EDC3: variants seen among roughly 807,000 people sequenced by gnomAD.
The protein encoded by EDC3 is enhancer of mRNA decapping 3, also known as enhancer of mRNA-decapping protein 3.
In EDC3, 20 loss-of-function variants were observed where a neutral mutation model predicts 41.8. The observed-to-expected ratio is 0.48, with a 90% confidence interval of 0.34 to 0.70. EDC3 has a LOEUF of 0.70. EDC3 is among the 30% of genes least tolerant of loss of function. The pLI, the probability that EDC3 is intolerant of heterozygous loss-of-function variation, is 0.01. For synonymous variants in EDC3, 206 were observed against 243.2 expected (o/e 0.85, Z 1.42); for missense variants, 444 against 636.8 (o/e 0.70, Z 3.26).
At chr15:74,672,901 A>C (rs2062755803) in intron 2 of EDC3, among the ~76,000 whole-genome samples, 1 of 152,088 alleles carries the variant, frequency 6.6e-6, no homozygotes, top group Non-Finnish European at 1.5e-5. Context: ...CAAAATATTT[A>C]AGTCAGTCTG....
intron 1 of EDC3, among the ~76,000 whole-genome samples, chr15:74,675,605 C>T (rs571796614): frequency 2.9e-4 from 41 of 140,118 alleles, no homozygotes; most frequent in African/African-American, 1.0e-3. Context: ...TTTTTTGAGA[C>T]GGAGTTTCAC....
intron 3 of EDC3, among the ~76,000 whole-genome samples, chr15:74,657,228 T>C (rs1230490659): frequency 6.6e-6 from 1 of 152,218 alleles, no homozygotes; most frequent in African/African-American, 2.4e-5. Context: ...ACACATCCTC[T>C]GGGGCTTCAG....
chr15:74,632,843 G>C lies in EDC3; in HGVS notation c.1296C>G (p.Ala432=), dbSNP rs754998831. ...QPWYKAAVAW[A]NQNRAPVLSI... Reference sequence around the variant, plus strand: ...TGAGTACTGGTGCCCGGTTCTGGTTGGCCCAGGCCACAGCTGCCTTGTACC... The same window carrying C: ...TGAGTACTGGTGCCCGGTTCTGGTTCGCCCAGGCCACAGCTGCCTTGTACC... The change falls in exon 7 of 7, where the codon GCC becomes GCG. Residue 432 remains alanine (A), a synonymous_variant. Coordinates refer to ENST00000315127, the MANE Select transcript of EDC3 (RefSeq NM_025083.5). The surrounding 1 kb of genome is among the most constrained non-coding windows in gnomAD (Gnocchi z 4.0). 7 of 1,614,098 alleles carry C rather than the reference G, an allele frequency of 4.3e-6. No individual in the cohort carries two copies. In the East Asian group the frequency reaches 6.7e-5, roughly 15 times the overall value.
intron 4 of EDC3, among the ~76,000 whole-genome samples, chr15:74,654,667 GTT>G (rs886489869): frequency 6.9e-6 from 1 of 145,374 alleles, no homozygotes; most frequent in African/African-American, 2.5e-5. Flanking sequence ...TCAGCAGCTT[GTT>G]TTTTTTTTAG....
At chr15:74,657,613 C>A in intron 3 of EDC3, among the ~76,000 whole-genome samples, 1 of 152,152 alleles carries the variant, frequency 6.6e-6, no homozygotes, top group East Asian at 1.9e-4. Context: ...GAGAAATACC[C>A]CCAGAGTAAA....
At chr15:74,666,674 A>G (rs2062679846) in intron 3 of EDC3, among the ~76,000 whole-genome samples, 1 of 152,214 alleles carries the variant, frequency 6.6e-6, no homozygotes, top group African/African-American at 2.4e-5. Context: ...TAAAAAGATC[A>G]GTAGTTGCCA....
chr15:74,648,923 G>A (rs1260643494), intron 4 of EDC3, among the ~76,000 whole-genome samples: 2 of 152,112 alleles, frequency 1.3e-5, no homozygotes, highest in Non-Finnish European at 2.9e-5. Flanking sequence ...AAGAATTCTA[G>A]TCATTTTTTT....
At chr15:74,665,421 T>C (rs1010226727) in intron 3 of EDC3, among the ~76,000 whole-genome samples, 4 of 152,218 alleles carry the variant, frequency 2.6e-5, no homozygotes, top group Admixed American at 6.5e-5. Flanking sequence ...TTCAAGCTCA[T>C]AGACTAAGAT....
At chr15:74,660,567 A>C (rs111672372) in intron 3 of EDC3, among the ~76,000 whole-genome samples, 2,142 of 151,994 alleles carry the variant, frequency 0.014, 14 homozygotes, top group Non-Finnish European at 0.02. Context: ...TGGGTATGAA[A>C]ATACAAGGTC....
chr15:74,646,541 A>C (rs898682708), intron 4 of EDC3, among the ~76,000 whole-genome samples: 29 of 152,208 alleles, frequency 1.9e-4, no homozygotes, highest in African/African-American at 6.8e-4. Context: ...TATGCCTTGA[A>C]AGACAGGCAG....
intron 4 of EDC3, among the ~76,000 whole-genome samples, chr15:74,653,273 T>C (rs2062504010): frequency 6.6e-6 from 1 of 151,894 alleles, no homozygotes; most frequent in Non-Finnish European, 1.5e-5. Context: ...TCAACTAACC[T>C]AACACTAACA....
intron 1 of EDC3, among the ~76,000 whole-genome samples, chr15:74,683,054 CA>C (rs2062893050): frequency 6.6e-6 from 1 of 152,024 alleles, no homozygotes; most frequent in East Asian, 1.9e-4. Flanking sequence ...ACCCTGTACA[CA>C]AGTGTTTATA....
chr15:74,676,121 T>C (rs543634025), intron 1 of EDC3, among the ~76,000 whole-genome samples: 115 of 152,276 alleles, frequency 7.6e-4, no homozygotes, highest in Non-Finnish European at 1.4e-3. Context: ...TCCCAAATAT[T>C]TGGAAATTAA....
intron 4 of EDC3, among the ~76,000 whole-genome samples, chr15:74,652,998 G>A (rs945081489): frequency 2.6e-5 from 4 of 152,014 alleles, no homozygotes; most frequent in Middle Eastern, 3.2e-3. Context: ...TGGCCAACAC[G>A]GTGAAACCTC....
At chr15:74,667,776 G>A (rs928461203) in intron 3 of EDC3, among the ~76,000 whole-genome samples, 5 of 152,100 alleles carry the variant, frequency 3.3e-5, no homozygotes, top group African/African-American at 1.2e-4. Flanking sequence ...ATAAACAAAT[G>A]GGGGAGAAGA....
At position 74,688,906 on chromosome 15, in the gene EDC3, C is replaced by CA. The variant is rs371363056; in HGVS notation, c.-19+6973dup. ...TGGGTGACAGAGCGAGATGCTGTCT[C>CA]AAAAAAAAAAAAAAAAAAAGTACAT... is the stretch of plus-strand genomic sequence containing the variant. On this transcript the variant is annotated intron_variant, in intron 1 of 6. Coordinates refer to ENST00000315127, the MANE Select transcript of EDC3 (RefSeq NM_025083.5). 6.2e-3 allele frequency among the ~76,000 whole-genome samples: 443 copies of CA among 71,968 alleles called. 1 individual carries two copies. The highest frequency in any genetic ancestry group is 0.028 in the East Asian group (66 of 2,388). The allele number at this position is 71,968 out of a possible 152,430, so 47.2% of individuals were successfully genotyped here. A position where few individuals can be genotyped will look rare whatever the true frequency, so the allele number is the denominator to read the frequency against.
At chr15:74,685,502 G>C (rs894438915) in intron 1 of EDC3, among the ~76,000 whole-genome samples, 3 of 152,170 alleles carry the variant, frequency 2.0e-5, no homozygotes, top group South Asian at 2.1e-4. Context: ...AGAGTGCCTA[G>C]AGTGGAAGAA....
intron 1 of EDC3, among the ~76,000 whole-genome samples, chr15:74,678,419 GA>G (rs994544834): frequency 6.6e-6 from 1 of 152,056 alleles, no homozygotes; most frequent in Non-Finnish European, 1.5e-5. Context: ...CTATTTAATA[GA>G]AAAAACCAAA....
chr15:74,685,086 A>G (rs1290912277), intron 1 of EDC3, among the ~76,000 whole-genome samples: 1 of 152,106 alleles, frequency 6.6e-6, no homozygotes, highest in Non-Finnish European at 1.5e-5. Flanking sequence ...TATATGAATT[A>G]TCTTGTTTCT....
Sources: gnomAD v4.1 joint callset for allele counts (sites outside exome capture counted in the v4.1 genomes callset) on GRCh38, gnomAD v4.1.1 for gene constraint, Gnocchi (gnomAD v3.1) non-coding constraint, MANE v1.5 for transcripts, NCBI Gene and HGNC (gene_info 2026-07-23, HGNC 2026-07-21) for gene names.